PLEC: variants seen among roughly 807,000 people sequenced by gnomAD.
PLEC encodes the protein plectin, also known as hemidesmosomal protein 1.
In PLEC, 216 loss-of-function variants were observed where a neutral mutation model predicts 392.8. The ratio of observed to expected loss-of-function variants is 0.55; its 90% CI spans 0.49 to 0.62. The LOEUF (loss-of-function observed/expected upper bound fraction) is 0.62. Ranked by LOEUF, PLEC falls within the 20% of genes least tolerant of loss-of-function variation. The pLI is 0.00. For synonymous variants in PLEC, 3,621 were observed against 2,980.6 expected (o/e 1.21, Z -7.00); for missense variants, 6,863 against 6,563.4 (o/e 1.05, Z -1.58).
chr8:143,933,265 C>T lies in PLEC; in HGVS notation c.1350G>A (p.Arg450=). ...RDLDKADSMI[R]LLFNDVQTLK... ...GGGTCTGCACGTCGTTGAAGAGCAG[C>T]CGGATCATGCTATCCGCCTTGTCCA... Residue 450 remains arginine, a synonymous_variant, in exon 13 of 32, where the codon CGG becomes CGA. Transcript: ENST00000345136. 1.9e-6 allele frequency: 3 copies of T among 1,613,212 alleles called. No homozygotes were observed. The highest frequency in any genetic ancestry group is 1.3e-5 in the African/African-American group (1 of 75,040).
At chr8:143,930,119 C>A in intron 21 of PLEC, 25 bp downstream of exon 21, 1 of 1,593,850 alleles carries the variant, frequency 6.3e-7, no homozygotes, top group Non-Finnish European at 8.5e-7. Context: ...TTCCAGCCCC[C>A]ACCTGCTGAG....
In PLEC at chr8:143,917,846, C is replaced by T. The variant is rs781830007; in HGVS notation, c.11975G>A (p.Arg3992His). The T allele has an allele frequency of 3.7e-5, 59 of 1,613,170 alleles. No homozygotes were observed. Among genetic ancestry groups the T allele is most frequent in the Admixed American group, 1.3e-4 (8 of 60,010 alleles). The change falls in exon 32 of 32, where the codon CGT (arginine) becomes CAT (histidine). Residue 3992 changes from arginine (R) to histidine (H), a missense_variant. Arg to His is a conservative substitution (Grantham distance 29, BLOSUM62 0). Coordinates refer to ENST00000345136, the MANE Select transcript of PLEC (RefSeq NM_201384.3). Reference sequence around the variant, plus strand: ...GAACTCGGGGCCCACAATGCCCATACGCACAGCCTCCTCCACCGTCAGCTT... The same window carrying T: ...GAACTCGGGGCCCACAATGCCCATATGCACAGCCTCCTCCACCGTCAGCTT... ...GLKLTVEEAV[R>H]MGIVGPEFKD...
chr8:143,923,530 C>A lies in PLEC; in HGVS notation c.6399G>T (p.Ala2133=). 1 of 1,599,966 alleles carries A rather than the reference C, an allele frequency of 6.3e-7. No homozygotes were observed. Among genetic ancestry groups the A allele is most frequent in the South Asian group, 1.1e-5 (1 of 90,860 alleles). ...CCTCCTTGCGCAGCTTCTCTGCAGCCGCCTGTGCCTGAGCCCGGGCCTGTG... is the reference window on the plus strand; with the variant it reads ...CCTCCTTGCGCAGCTTCTCTGCAGCAGCCTGTGCCTGAGCCCGGGCCTGTG... ...EQAQARAQAQ[A]AAEKLRKEAE... is the part of the protein sequence containing the mutation. The change falls in exon 31 of 32, where the codon GCG becomes GCT. Residue 2133 remains alanine, a synonymous_variant. Coordinates refer to ENST00000345136, the MANE Select transcript of PLEC (RefSeq NM_201384.3).
upstream of PLEC, among the ~76,000 whole-genome samples, chr8:143,941,232 C>T (rs1554728496): frequency 6.6e-6 from 1 of 152,238 alleles, no homozygotes; most frequent in Non-Finnish European, 1.5e-5. Context: ...GGGGCTGCCA[C>T]TCTGCTGAGG....
At position 143,918,086 on chromosome 8, in the gene PLEC, C is replaced by A; in HGVS notation, c.11735G>T (p.Arg3912Leu). The A allele has an allele frequency of 1.3e-6, 2 of 1,596,584 alleles. No individual in the cohort carries two copies. Among genetic ancestry groups the A allele is most frequent in the East Asian group, 2.3e-5 (1 of 44,272 alleles). Residue 3912 changes from arginine (R) to leucine (L), a missense_variant, in exon 32 of 32, where the codon CGG becomes CTG. Arg to Leu is a moderately radical substitution (Grantham distance 102). Transcript: ENST00000345136. ...VMDEATALQL[R>L]EGLTSIEEVT... ...CTCCTCGATGGAGGTCAGGCCCTCC[C>A]GCAGCTGCAGCGCCGTGGCCTCGTC...
chr8:143,929,343 G>A (rs1790231855), intron 24 of PLEC, 62 bp from the exon 25 acceptor site: 2 of 1,582,424 alleles, frequency 1.3e-6, no homozygotes, highest in Admixed American at 3.5e-5. Context: ...GCCCCTTGAA[G>A]GCCAAAGGAG....
At chr8:143,953,985 T>A, upstream of PLEC, 1 of 1,245,024 alleles carries the variant, frequency 8.0e-7, no homozygotes, top group Non-Finnish European at 1.0e-6. Flanking sequence ...CCCCCCAGCC[T>A]GTGGTTCTGG....
At position 143,920,108 on chromosome 8, in the gene PLEC, G is replaced by A. The variant is rs782085661; in HGVS notation, c.9713C>T (p.Pro3238Leu). The A allele has an allele frequency of 3.0e-5, 48 of 1,612,930 alleles. No individual in the cohort carries two copies. The highest frequency in any genetic ancestry group is 1.6e-4 in the Middle Eastern group (1 of 6,084). Residue 3238 changes from proline to leucine, a missense_variant, in exon 32 of 32, where the codon CCG becomes CTG. Pro to Leu is a moderately conservative substitution (Grantham distance 98, BLOSUM62 -3). Transcript: ENST00000345136. ...LQARETFEKT[P>L]VEVPVGGFKG... ...GAAGCCACCCACGGGGACCTCAACC[G>A]GGGTCTTTTCAAAGGTCTCACGGGC...
At chr8:143,975,089 A>G (rs1413340419), upstream of PLEC, 3 of 1,439,360 alleles carry the variant, frequency 2.1e-6, no homozygotes, top group South Asian at 2.3e-5. The surrounding 1 kb of genome is among the most constrained non-coding windows in gnomAD (Gnocchi z 9.9). Flanking sequence ...TCCCCCACCC[A>G]GTCCCCGCTC....
Position 143,932,667 on chromosome 8 carries a change from C to T in PLEC, c.1783G>A (p.Gly595Ser). The T allele has an allele frequency of 6.2e-7, 1 of 1,610,818 alleles. No individual in the cohort carries two copies. Among genetic ancestry groups the T allele is most frequent in the African/African-American group, 1.3e-5 (1 of 74,974 alleles). Residue 595 changes from glycine to serine, a missense_variant, in exon 15 of 32, where the codon GGT (glycine) becomes AGT (serine). Transcript: ENST00000345136. ...ATRGAYRDCLGRLDLQYAKLL... is the reference protein window; with the variant it reads ...ATRGAYRDCLSRLDLQYAKLL... ...TTGGCGTACTGCAGGTCCAGCCGAC[C>T]CAGGCAGTCACGGTAGGCACCCCGG...
At chr8:143,974,170 C>T (rs1699828422), upstream of PLEC, among the ~76,000 whole-genome samples, 2 of 152,220 alleles carry the variant, frequency 1.3e-5, no homozygotes, top group East Asian at 1.9e-4. The surrounding 1 kb of genome is among the most constrained non-coding windows in gnomAD (Gnocchi z 5.9). Context: ...TTCCAGGAAT[C>T]GGTCCTAAGG....
At position 143,925,556 on chromosome 8, in the gene PLEC, C is replaced by T. The variant is rs782720526; in HGVS notation, c.4373G>A (p.Arg1458His). 2.6e-5 allele frequency: 42 copies of T among 1,589,994 alleles called. No homozygotes were observed. Among genetic ancestry groups the T allele is most frequent in the South Asian group, 1.8e-4 (16 of 89,880 alleles). ...GCGCTCGGTGGCCTCCAACTGCAGG[C>T]GCACCACGCGGATCTCCTCCTCGAT... ...LRIEEEIRVV[R>H]LQLEATERQR... The change falls in exon 31 of 32, where the codon CGC becomes CAC. Residue 1458 changes from arginine to histidine, a missense_variant. Coordinates refer to ENST00000345136, the MANE Select transcript of PLEC (RefSeq NM_201384.3).
Position 143,919,414 on chromosome 8 carries a change from G to A in PLEC, c.10407C>T (p.Ile3469=), listed in dbSNP as rs369578286. 1.0e-4 allele frequency: 161 copies of A among 1,613,310 alleles called. No homozygotes were observed. The highest frequency in any genetic ancestry group is 7.8e-4 in the South Asian group (71 of 91,052). Reference sequence around the variant, plus strand: ...CGGGGTCGATGATGCCGCCCGTGGCGATCTGGGCCTCCAGCAGGCGGATGC... The same window carrying A: ...CGGGGTCGATGATGCCGCCCGTGGCAATCTGGGCCTCCAGCAGGCGGATGC... ...QHGIRLLEAQ[I]ATGGIIDPVH... is the part of the protein sequence containing the mutation. The change falls in exon 32 of 32, where the codon ATC becomes ATT. Residue 3469 remains isoleucine, a synonymous_variant. Coordinates refer to ENST00000345136, the MANE Select transcript of PLEC (RefSeq NM_201384.3).
upstream of PLEC, chr8:143,942,506 C>A: frequency 6.3e-7 from 1 of 1,578,424 alleles, no homozygotes; most frequent in East Asian, 2.3e-5. Flanking sequence ...GCGCCCCCCG[C>A]CCCCGACATG....
At chr8:143,948,386 C>T (rs1176030299) in intron 1 of PLEC, among the ~76,000 whole-genome samples, 3 of 152,356 alleles carry the variant, frequency 2.0e-5, no homozygotes, top group African/African-American at 7.2e-5. Context: ...TGCCTGGTCT[C>T]AGGTATCATC....
rs542710594 is a variant in PLEC, at chr8:143,921,760, G to A, written c.8061C>T (p.Asp2687=). 36 of 1,612,128 alleles carry A rather than the reference G, an allele frequency of 2.2e-5. No individual in the cohort carries two copies. The highest frequency in any genetic ancestry group is 8.3e-5 in the Admixed American group (5 of 60,006). ...TGCGGCCCTGCAGGTAGTGGCGCAC[G>A]TCTTCCCGCCGTGCGAGCTCGTCCA... The part of the protein sequence containing the change: ...TTVDELARRE[D]VRHYLQGRSS... Residue 2687 remains aspartate, a synonymous_variant, in exon 32 of 32, where the codon GAC becomes GAT. Coordinates refer to ENST00000345136, the MANE Select transcript of PLEC (RefSeq NM_201384.3).
At chr8:143,953,490 C>G (rs984888226), upstream of PLEC, among the ~76,000 whole-genome samples, 3 of 151,892 alleles carry the variant, frequency 2.0e-5, no homozygotes, top group Non-Finnish European at 4.4e-5. Context: ...AGCAGCCACC[C>G]CGCCCCCGAC....
upstream of PLEC, chr8:143,975,246 T>C: frequency 1.2e-6 from 2 of 1,607,630 alleles, no homozygotes; most frequent in Non-Finnish European, 1.7e-6. This position sits in a 1 kb window ranked among gnomAD's most constrained non-coding sequence, Gnocchi z 9.9. Flanking sequence ...CCACCCCCGC[T>C]GCGCCGGCTC....
At chr8:143,940,159 G>T (rs1830173646), upstream of PLEC, among the ~76,000 whole-genome samples, 1 of 152,194 alleles carries the variant, frequency 6.6e-6, no homozygotes. Context: ...GCCTGCCCTG[G>T]CCCTGGGGCC....
Sources: allele counts gnomAD v4.1 joint callset (sites outside exome capture counted in the v4.1 genomes callset), GRCh38; gene constraint gnomAD v4.1.1; non-coding constraint Gnocchi (gnomAD v3.1); transcripts MANE v1.5; gene names NCBI Gene and HGNC (gene_info 2026-07-23, HGNC 2026-07-21).